The following PPP6R3 variants were observed in gnomAD, a reference collection of about 807,000 sequenced individuals.
The protein encoded by PPP6R3 is serine/threonine-protein phosphatase 6 regulatory subunit 3.
PPP6R3 carries 38 observed loss-of-function variants against 110.7 expected under a neutral mutation model. The ratio of observed to expected loss-of-function variants is 0.34; its 90% CI spans 0.26 to 0.45. The LOEUF is 0.45. Among genes scored for constraint, PPP6R3 ranks in the 20% least tolerant of loss-of-function variants. The pLI, the probability that PPP6R3 is intolerant of heterozygous loss-of-function variation, is 1.00. For missense variants in PPP6R3, 870 were observed against 1,062.4 expected (o/e 0.82, Z 2.52); for synonymous variants, 369 against 373.5 (o/e 0.99, Z 0.14).
At chr11:68,537,594 A>G in intron 2 of PPP6R3, 65 bp from the exon 3 acceptor site, 6 of 1,119,042 alleles carry the variant, frequency 5.4e-6, no homozygotes, top group Non-Finnish European at 7.6e-6. Context: ...GAACTGAAAT[A>G]TGAATTATGG....
intron 7 of PPP6R3, chr11:68,558,311 A>G (rs1164634955): frequency 2.1e-5 from 5 of 237,516 alleles, no homozygotes; most frequent in Non-Finnish European, 4.0e-5. Context: ...AAAGACAAGC[A>G]TGGCCCAGGT....
chr11:68,556,160 A>T (rs2099398728), intron 7 of PPP6R3, among the ~76,000 whole-genome samples: 1 of 152,216 alleles, frequency 6.6e-6, no homozygotes, highest in African/African-American at 2.4e-5. Flanking sequence ...CTATATTATG[A>T]TGCCAGGTAA....
At chr11:68,600,660 G>C (rs1389348582) in intron 20 of PPP6R3, among the ~76,000 whole-genome samples, 166 bp downstream of exon 20, 2 of 152,222 alleles carry the variant, frequency 1.3e-5, no homozygotes, top group South Asian at 2.1e-4. Flanking sequence ...GTTGTAAGAA[G>C]AACAATCACC....
chr11:68,506,550 ACATT>A lies in PPP6R3; in HGVS notation c.-157-12947_-157-12944del, dbSNP rs1275653946. Among the ~76,000 whole-genome samples, 8 of 152,120 alleles carry A rather than the reference ACATT, an allele frequency of 5.3e-5. No individual in the cohort carries two copies. The East Asian group carries it at 1.5e-3, about 29-fold the overall frequency. ...CAGAATAATTAAATCAAGTTAATTA[ACATT>A]CATCACCACAAACACTTTTTTGTGG... On this transcript the variant is annotated intron_variant, in intron 1 of 23. Coordinates refer to ENST00000393800, the MANE Select transcript of PPP6R3 (RefSeq NM_001164161.2).
At chr11:68,539,963 T>G (rs1488494430) in intron 3 of PPP6R3, among the ~76,000 whole-genome samples, 1 of 152,140 alleles carries the variant, frequency 6.6e-6, no homozygotes. Context: ...ACAGCAAGTG[T>G]GGAAGCACTA....
At chr11:68,556,930 A>G (rs541922597) in intron 7 of PPP6R3, among the ~76,000 whole-genome samples, 1 of 152,342 alleles carries the variant, frequency 6.6e-6, no homozygotes, top group East Asian at 1.9e-4. Context: ...TGGATACAGT[A>G]GACTTCCAAT....
chr11:68,469,267 T>C (rs1253440526), intron 1 of PPP6R3, among the ~76,000 whole-genome samples: 1 of 152,240 alleles, frequency 6.6e-6, no homozygotes, highest in Non-Finnish European at 1.5e-5. Flanking sequence ...CTGTGGGTTG[T>C]AGTTTGTCAA....
rs1256210555 is a variant in PPP6R3 at position 68,614,950 on chromosome 11, C to T, written c.*1833C>T. 4 of 614,068 alleles carry T rather than the reference C, an allele frequency of 6.5e-6. No individual in the cohort carries two copies. The highest frequency in any genetic ancestry group is 3.0e-5 in the South Asian group (2 of 66,054). 38.0% of individuals were successfully genotyped at this position (614,068 alleles called of 1,614,324 possible). A position where few individuals can be genotyped will look rare whatever the true frequency, so the allele number is the denominator to read the frequency against. On this transcript the variant is annotated 3_prime_UTR_variant, in exon 24 of 24. Transcript: ENST00000393800. ...AGGGTTTGGCTCCACTGGTGGCACA[C>T]GTGGCCTCCGTGGTATGGACCTGGT...
intron 12 of PPP6R3, 86 bp downstream of exon 12, chr11:68,571,190 T>A (rs1279961926): frequency 2.7e-6 from 4 of 1,468,072 alleles, no homozygotes; most frequent in Non-Finnish European, 3.6e-6. Context: ...CAGAAAAAAA[T>A]GGAAATAATT....
At chr11:68,590,163 C>T (rs1317597772) in intron 16 of PPP6R3, among the ~76,000 whole-genome samples, 1 of 152,190 alleles carries the variant, frequency 6.6e-6, no homozygotes, top group Non-Finnish European at 1.5e-5. Flanking sequence ...GTTTAATAAG[C>T]AATGAATTCT....
intron 8 of PPP6R3, among the ~76,000 whole-genome samples, chr11:68,562,990 GA>G (rs1467337690): frequency 1.3e-5 from 2 of 151,794 alleles, no homozygotes; most frequent in Non-Finnish European, 2.9e-5. Flanking sequence ...TAACGTGTGA[GA>G]AAAGACTTAC....
rs180875517 is a variant in PPP6R3 at position 68,523,650 on chromosome 11, C to G, written c.-7+3999C>G. Among the ~76,000 whole-genome samples the G allele has an allele frequency of 3.3e-5, 5 of 151,660 alleles. No homozygotes were observed. In the East Asian group the frequency reaches 9.7e-4, roughly 30 times the overall value. On this transcript the variant is annotated intron_variant, in intron 2 of 23. Transcript: ENST00000393800. ...GGCCTGTGCAGGCCCTAAGGAGAGC[C>G]ACATTTGTTAAGCTCTGGGAGAATT...
At chr11:68,488,189 T>G (rs917290251) in intron 1 of PPP6R3, among the ~76,000 whole-genome samples, 10 of 152,244 alleles carry the variant, frequency 6.6e-5, no homozygotes, top group African/African-American at 2.2e-4. Context: ...TCTTGTTAAC[T>G]TTTGATTAGA....
intron 3 of PPP6R3, among the ~76,000 whole-genome samples, chr11:68,542,813 CA>C (rs1399069080): frequency 6.6e-6 from 1 of 152,208 alleles, no homozygotes; most frequent in African/African-American, 2.4e-5. Context: ...TGAGTTAGGT[CA>C]TACCACCCAG....
chr11:68,554,779 G>C (rs1221822510), intron 7 of PPP6R3, among the ~76,000 whole-genome samples: 2 of 152,108 alleles, frequency 1.3e-5, no homozygotes, highest in Admixed American at 6.5e-5. Flanking sequence ...ATGTATATTT[G>C]ACCTGCATTC....
chr11:68,556,210 G>C (rs1178347802), intron 7 of PPP6R3, among the ~76,000 whole-genome samples: 1 of 152,050 alleles, frequency 6.6e-6, no homozygotes, highest in Non-Finnish European at 1.5e-5. Flanking sequence ...AACATCACAT[G>C]CATAAATGTT....
chr11:68,494,867 TTA>T (rs903444197), intron 1 of PPP6R3, among the ~76,000 whole-genome samples: 33 of 152,316 alleles, frequency 2.2e-4, no homozygotes, highest in African/African-American at 7.7e-4. Context: ...AAAACAAATT[TTA>T]TGTTTGTTTT....
At chr11:68,497,213 ATTT>A (rs56963664) in intron 1 of PPP6R3, among the ~76,000 whole-genome samples, 1 of 141,294 alleles carries the variant, frequency 7.1e-6, no homozygotes, top group African/African-American at 2.6e-5. Context: ...CGCCCGGCTA[ATTT>A]TTTTTTTTTT....
In PPP6R3 at chr11:68,614,601, T is replaced by TATTA. The variant is rs748238740; in HGVS notation, c.*1485_*1488dup. ...TAAAAGAATCAAACGTCTAATGCCTTATTATTTCTGATTTCCTTTTTCATT... is the reference window on the plus strand; with the variant it reads ...TAAAAGAATCAAACGTCTAATGCCTTATTAATTATTTCTGATTTCCTTTTTCATT... On this transcript the variant is annotated 3_prime_UTR_variant, in exon 24 of 24. Transcript: ENST00000393800. 4.3e-5 allele frequency: 37 copies of TATTA among 863,030 alleles called. No homozygotes were observed. The African/African-American group carries it at 8.0e-4, about 19-fold the overall frequency. 53.5% of individuals were successfully genotyped at this position (863,030 alleles called of 1,614,324 possible).
Sources: gnomAD v4.1 joint callset for allele counts (sites outside exome capture counted in the v4.1 genomes callset) on GRCh38, gnomAD v4.1.1 for gene constraint, MANE v1.5 for transcripts, NCBI Gene and HGNC (gene_info 2026-07-23, HGNC 2026-07-21) for gene names.